The following NXPE2 variants were observed in gnomAD, a reference collection of about 807,000 sequenced individuals.
The protein encoded by NXPE2 is neurexophilin and PC-esterase domain family member 2, also known as NXPE family member 2.
In NXPE2, 34 loss-of-function variants were observed where a neutral mutation model predicts 34.4. The ratio of observed to expected loss-of-function variants is 0.99; its 90% CI spans 0.75 to 1.31. The LOEUF (loss-of-function observed/expected upper bound fraction) is 1.31. NXPE2 is among the 40% of genes most tolerant of loss of function. The pLI is 0.00. For synonymous variants in NXPE2, 235 were observed against 231.3 expected (o/e 1.02, Z -0.15); for missense variants, 649 against 672.5 (o/e 0.97, Z 0.39).
At chr11:114,706,070 CT>C in intron 5 of NXPE2, 74 bp downstream of exon 5, 2 of 559,972 alleles carry the variant, frequency 3.6e-6, no homozygotes, top group Non-Finnish European at 5.5e-6. Flanking sequence ...GAATTATTTG[CT>C]TTTCTTTTCT....
the NXPE2 span, among the ~76,000 whole-genome samples, chr11:114,630,491 T>A: frequency 7.3e-5 from 11 of 151,644 alleles, no homozygotes; most frequent in East Asian, 1.9e-3. Context: ...TGAAACTGGA[T>A]CCCTTCCTTA....
At chr11:114,628,131 G>A in the NXPE2 span, among the ~76,000 whole-genome samples, 3 of 144,204 alleles carry the variant, frequency 2.1e-5, no homozygotes, top group Non-Finnish European at 3.0e-5. Context: ...AGTCAACAAC[G>A]ATACCCAAGA....
chr11:114,766,979 T>G, the NXPE2 span, among the ~76,000 whole-genome samples: 1 of 150,538 alleles, frequency 6.6e-6, no homozygotes, highest in African/African-American at 2.5e-5. Flanking sequence ...ACCTTGAAAT[T>G]TCTGAAAAAA....
intron 2 of NXPE2, among the ~76,000 whole-genome samples, chr11:114,695,808 T>A (rs1192213344): frequency 7.5e-6 from 1 of 133,258 alleles, no homozygotes; most frequent in Non-Finnish European, 1.6e-5. Flanking sequence ...CTGACCAACA[T>A]GGTGAAAGAA....
At chr11:114,722,006 G>A in the NXPE2 span, among the ~76,000 whole-genome samples, 1 of 152,194 alleles carries the variant, frequency 6.6e-6, no homozygotes, top group South Asian at 2.1e-4. Flanking sequence ...TGAAAGAGAT[G>A]AGTTTAAAAA....
At chr11:114,744,321 A>G in the NXPE2 span, among the ~76,000 whole-genome samples, 1 of 152,328 alleles carries the variant, frequency 6.6e-6, no homozygotes, top group African/African-American at 2.4e-5. Context: ...TGGCGTAGAT[A>G]CATCCTTAAA....
the NXPE2 span, among the ~76,000 whole-genome samples, chr11:114,620,519 T>C: frequency 6.6e-6 from 1 of 151,352 alleles, no homozygotes; most frequent in Non-Finnish European, 1.5e-5. Context: ...GGGTAACCAC[T>C]TTAAGGCGGT....
chr11:114,553,280 T>C, the NXPE2 span, among the ~76,000 whole-genome samples: 625 of 152,340 alleles, frequency 4.1e-3, 2 homozygotes, highest in Middle Eastern at 6.8e-3. Context: ...ATGGACATTC[T>C]AGAGGAGATT....
At chr11:114,581,834 G>A in the NXPE2 span, 1 of 1,299,782 alleles carries the variant, frequency 7.7e-7, no homozygotes, top group Non-Finnish European at 1.1e-6. Context: ...CCTCAAATCA[G>A]GAAACATACA....
the NXPE2 span, among the ~76,000 whole-genome samples, chr11:114,796,369 T>A: frequency 6.6e-6 from 1 of 152,158 alleles, no homozygotes; most frequent in African/African-American, 2.4e-5. Context: ...CAAATATCCA[T>A]GGGAGGAGTA....
chr11:114,687,474 G>C lies in NXPE2; in HGVS notation c.132+7712G>C, dbSNP rs1429223482. 2.0e-5 allele frequency among the ~76,000 whole-genome samples: 3 copies of C among 151,922 alleles called. No homozygotes were observed. The East Asian group carries it at 5.8e-4, about 29-fold the overall frequency. ...TCAATTCTGTTCCATTAGTCTATGT[G>C]CCTGTTTTTGTACCAGTACTGTGGT... On this transcript the variant is annotated intron_variant, in intron 2 of 5. Coordinates refer to ENST00000389586, the MANE Select transcript of NXPE2 (RefSeq NM_182495.6).
chr11:114,728,870 G>C, the NXPE2 span, among the ~76,000 whole-genome samples: 1 of 151,920 alleles, frequency 6.6e-6, no homozygotes, highest in Non-Finnish European at 1.5e-5. Flanking sequence ...CCCAGAAACA[G>C]GTTTACACAA....
At chr11:114,652,846 T>C in the NXPE2 span, among the ~76,000 whole-genome samples, 1 of 152,218 alleles carries the variant, frequency 6.6e-6, no homozygotes, top group East Asian at 1.9e-4. Context: ...CGCATTCAGC[T>C]AGAGCATTTT....
the NXPE2 span, among the ~76,000 whole-genome samples, chr11:114,625,639 G>T: frequency 6.6e-6 from 1 of 152,124 alleles, no homozygotes; most frequent in African/African-American, 2.4e-5. Context: ...GCTGTTACCC[G>T]GTGGATAATA....
At chr11:114,757,501 T>C in the NXPE2 span, among the ~76,000 whole-genome samples, 456 of 152,296 alleles carry the variant, frequency 3.0e-3, 1 homozygote, top group African/African-American at 0.01. Flanking sequence ...TTTCAGAACT[T>C]TTATACCGCT....
chr11:114,692,454 G>A (rs957266053), intron 2 of NXPE2, among the ~76,000 whole-genome samples: 21 of 152,130 alleles, frequency 1.4e-4, no homozygotes, highest in Admixed American at 1.2e-3. Flanking sequence ...TCCCACCTGA[G>A]TCTGCTCCAG....
chr11:114,624,108 C>G, the NXPE2 span, among the ~76,000 whole-genome samples: 1 of 151,792 alleles, frequency 6.6e-6, no homozygotes, highest in Admixed American at 6.6e-5. Flanking sequence ...GGTTTTATGT[C>G]GTGGGTAACC....
chr11:114,775,113 C>T, the NXPE2 span, among the ~76,000 whole-genome samples: 1 of 152,224 alleles, frequency 6.6e-6, no homozygotes, highest in Non-Finnish European at 1.5e-5. Flanking sequence ...TGGGGGACTG[C>T]CAAGCTGCAA....
chr11:114,791,329 C>A, the NXPE2 span, among the ~76,000 whole-genome samples: 1 of 152,128 alleles, frequency 6.6e-6, no homozygotes, highest in Non-Finnish European at 1.5e-5. Context: ...CCAAACTATT[C>A]TTTTAGTTGA....
Sources: gnomAD v4.1 joint callset for allele counts (sites outside exome capture counted in the v4.1 genomes callset) on GRCh38, gnomAD v4.1.1 for gene constraint, MANE v1.5 for transcripts, NCBI Gene and HGNC (gene_info 2026-07-23, HGNC 2026-07-21) for gene names.